The following LRRTM4 variants were observed in gnomAD, a reference collection of about 807,000 sequenced individuals.
LRRTM4 encodes the protein leucine-rich repeat transmembrane neuronal protein 4.
Under a neutral mutation model 47.6 loss-of-function variants are expected in LRRTM4, and 25 were observed. That is an observed-to-expected ratio of 0.53 (90% CI 0.38 to 0.73). The LOEUF is 0.73. LRRTM4 is among the 30% of genes least tolerant of loss of function. The pLI, the probability that LRRTM4 is intolerant of heterozygous loss-of-function variation, is 0.00. For missense variants in LRRTM4, 638 were observed against 713.4 expected, an observed-to-expected ratio of 0.89 and a Z score of 1.20; for synonymous variants, 311 against 269.5, an observed-to-expected ratio of 1.15 and a Z score of -1.51.
intron 3 of LRRTM4, among the ~76,000 whole-genome samples, chr2:77,124,417 C>A (rs1392597643): frequency 6.6e-6 from 1 of 152,072 alleles, no homozygotes. Context: ...ATTTTAGCCC[C>A]CCTCCCGCCA....
chr2:76,830,912 A>G (rs936398876), intron 3 of LRRTM4, among the ~76,000 whole-genome samples: 2 of 152,026 alleles, frequency 1.3e-5, no homozygotes, highest in African/African-American at 4.8e-5. Context: ...AAATATGAAA[A>G]TATAAACAAT....
intron 3 of LRRTM4, among the ~76,000 whole-genome samples, chr2:76,883,232 G>GA (rs1672980109): frequency 6.6e-6 from 1 of 152,156 alleles, no homozygotes; most frequent in Non-Finnish European, 1.5e-5. Flanking sequence ...TGACAAGCCA[G>GA]CCTACTTGTA....
At chr2:77,115,114 CA>C (rs1184356152) in intron 3 of LRRTM4, among the ~76,000 whole-genome samples, 1 of 152,152 alleles carries the variant, frequency 6.6e-6, no homozygotes, top group Admixed American at 6.5e-5. Flanking sequence ...CCCAGGAATG[CA>C]TTCCTTCCCC....
In LRRTM4 at chr2:77,078,380, C is replaced by CCACA. The variant is rs59703273; in HGVS notation, c.1552-329468_1552-329465dup. On this transcript the variant is annotated intron_variant, in intron 3 of 3. Coordinates refer to ENST00000409884, the MANE Select transcript of LRRTM4 (RefSeq NM_001134745.3). ...ATATGTTTGTCTATTACACACACAC[C>CCACA]CACACACACACACACACACACACAC... Among the ~76,000 whole-genome samples, 734 of 139,344 alleles carry CCACA rather than the reference C, an allele frequency of 5.3e-3. 7 individuals are homozygous for CCACA. Among genetic ancestry groups the CCACA allele is most frequent in the African/African-American group, 0.013 (486 of 38,538 alleles). The allele number at this position is 139,344 out of a possible 152,430, so 91.4% of individuals were successfully genotyped here. A position where few individuals can be genotyped will look rare whatever the true frequency, so the allele number is the denominator to read the frequency against.
chr2:76,859,795 C>T (rs182971666), intron 3 of LRRTM4, among the ~76,000 whole-genome samples: 34 of 151,806 alleles, frequency 2.2e-4, no homozygotes, highest in Admixed American at 1.9e-3. Context: ...AAATGTATCC[C>T]CTGGTTGTGA....
rs1573488004 is a variant in LRRTM4 at position 77,491,644 on chromosome 2, A to C, written c.1551+26674T>G. Among the ~76,000 whole-genome samples, 3 of 151,914 alleles carry C rather than the reference A, an allele frequency of 2.0e-5. No homozygotes were observed. In the South Asian group the frequency reaches 6.2e-4, roughly 31 times the overall value. On this transcript the variant is annotated intron_variant, in intron 3 of 3. Transcript: ENST00000409884. ...AAATATAAAAATAAGAAATAGTATT[A>C]AAAAGAATATTAAAATTATATGATA...
At chr2:77,220,250 T>G (rs979506671) in intron 3 of LRRTM4, among the ~76,000 whole-genome samples, 15 of 151,808 alleles carry the variant, frequency 9.9e-5, no homozygotes, top group African/African-American at 3.6e-4. Context: ...ACCACAAAGA[T>G]GGGGAAAAAA....
chr2:77,428,350 C>T (rs1489396832), intron 3 of LRRTM4, among the ~76,000 whole-genome samples: 4 of 152,174 alleles, frequency 2.6e-5, no homozygotes, highest in Admixed American at 6.5e-5. Flanking sequence ...TATATTAACA[C>T]ACACAAAAAT....
chr2:76,904,858 G>C (rs1232946024), intron 3 of LRRTM4, among the ~76,000 whole-genome samples: 2 of 152,306 alleles, frequency 1.3e-5, no homozygotes, highest in East Asian at 3.9e-4. Context: ...CTTGTCAAAA[G>C]TGTTTTGAAA....
intron 3 of LRRTM4, among the ~76,000 whole-genome samples, chr2:76,895,921 G>A (rs374192970): frequency 7.6e-4 from 116 of 152,080 alleles, no homozygotes; most frequent in African/African-American, 2.7e-3. Context: ...AGCTGTGGAA[G>A]GTGGTGGAAC....
At chr2:77,496,772 A>G (rs1678380007) in intron 3 of LRRTM4, among the ~76,000 whole-genome samples, 1 of 151,778 alleles carries the variant, frequency 6.6e-6, no homozygotes, top group African/African-American at 2.4e-5. Flanking sequence ...CTGCTTTTGC[A>G]TCATTATAAT....
intron 3 of LRRTM4, among the ~76,000 whole-genome samples, chr2:76,801,154 C>T (rs1229508085): frequency 3.3e-5 from 5 of 152,124 alleles, no homozygotes; most frequent in Admixed American, 6.5e-5. Flanking sequence ...CCAGCCATCC[C>T]ATTACTGGGT....
rs551755121 is a variant in LRRTM4 at position 77,073,396 on chromosome 2, CATTA to C, written c.1552-324484_1552-324481del. On this transcript the variant is annotated intron_variant, in intron 3 of 3. Transcript: ENST00000409884. ...GGTCTATATTTCAATCAGATAAATA[CATTA>C]ATTATTATTATCTATTATACATAGG... Among the ~76,000 whole-genome samples the C allele has an allele frequency of 2.6e-3, 396 of 150,876 alleles. 6 individuals are homozygous for C. Among genetic ancestry groups the C allele is most frequent in the African/African-American group, 8.0e-3 (324 of 40,626 alleles).
chr2:76,783,471 C>G (rs1221460452), intron 3 of LRRTM4, among the ~76,000 whole-genome samples: 1 of 152,090 alleles, frequency 6.6e-6, no homozygotes, highest in African/African-American at 2.4e-5. Flanking sequence ...TGTGCCACAT[C>G]ATGACCATCT....
intron 3 of LRRTM4, among the ~76,000 whole-genome samples, chr2:77,154,571 G>T (rs1418313525): frequency 6.6e-6 from 1 of 151,982 alleles, no homozygotes. Context: ...TTTCCAAAAT[G>T]AATAAAAAGC....
intron 3 of LRRTM4, among the ~76,000 whole-genome samples, chr2:77,360,608 T>C (rs1286975055): frequency 6.6e-6 from 1 of 151,760 alleles, no homozygotes; most frequent in Non-Finnish European, 1.5e-5. Context: ...TGCTTGTAAT[T>C]TGTGGATAAT....
intron 3 of LRRTM4, among the ~76,000 whole-genome samples, chr2:77,505,120 G>A (rs1678719329): frequency 6.6e-6 from 1 of 150,926 alleles, no homozygotes; most frequent in South Asian, 2.1e-4. Flanking sequence ...ACGAATCAAA[G>A]TAAGCGCAAT....
At chr2:77,249,812 C>T (rs929389105) in intron 3 of LRRTM4, among the ~76,000 whole-genome samples, 14 of 152,302 alleles carry the variant, frequency 9.2e-5, no homozygotes, top group African/African-American at 3.1e-4. Context: ...AGCAGTCATG[C>T]TCTTTTGTAT....
At chr2:77,401,918 T>A (rs994388478) in intron 3 of LRRTM4, among the ~76,000 whole-genome samples, 1 of 152,010 alleles carries the variant, frequency 6.6e-6, no homozygotes. Context: ...GTGGATTTCA[T>A]TATTTTGTTA....
Sources: gnomAD v4.1 joint callset for allele counts (sites outside exome capture counted in the v4.1 genomes callset) on GRCh38, gnomAD v4.1.1 for gene constraint, MANE v1.5 for transcripts, NCBI Gene and HGNC (gene_info 2026-07-23, HGNC 2026-07-21) for gene names.